PKN2: variants seen among roughly 807,000 people sequenced by gnomAD.
PKN2 encodes the protein protein kinase N2, also known as serine/threonine-protein kinase N2.
A neutral mutation model predicts 119.1 loss-of-function variants in PKN2; 38 were observed. That is an observed-to-expected ratio of 0.32 (90% CI 0.25 to 0.42). PKN2 has a LOEUF of 0.42. Ranked by LOEUF, PKN2 falls within the 10% of genes least tolerant of loss-of-function variation. PKN2 has a pLI of 1.00. For synonymous variants in PKN2, 390 were observed against 384.9 expected, an observed-to-expected ratio of 1.01 and a Z score of -0.15; for missense variants, 850 against 1,165.1, an observed-to-expected ratio of 0.73 and a Z score of 3.94.
At chr1:88,728,060 T>C (rs1667970701) in intron 1 of PKN2, among the ~76,000 whole-genome samples, 1 of 151,454 alleles carries the variant, frequency 6.6e-6, no homozygotes, top group African/African-American at 2.4e-5. Context: ...GTTACAGACT[T>C]CTGGCACAAT....
chr1:88,786,057 TA>T (rs1327447287), intron 7 of PKN2, 46 bp from the exon 8 acceptor site: 2 of 1,143,302 alleles, frequency 1.7e-6, no homozygotes, highest in South Asian at 2.5e-5. Context: ...TTCTGTTTTT[TA>T]TAAAGGTTTA....
At chr1:88,818,948 A>G (rs955309958) in intron 16 of PKN2, among the ~76,000 whole-genome samples, 1 of 150,858 alleles carries the variant, frequency 6.6e-6, no homozygotes, top group African/African-American at 2.5e-5. Context: ...CCTATTTAAT[A>G]AATGGTGTTG....
chr1:88,824,325 T>C lies in PKN2; in HGVS notation c.2358T>C (p.Asp786=). The C allele has an allele frequency of 6.3e-7, 1 of 1,582,264 alleles. No individual in the cohort carries two copies. The highest frequency in any genetic ancestry group is 8.7e-7 in the Non-Finnish European group (1 of 1,153,598). ...TCCTGAACAGAGATTTGAAATTGGA[T>C]AACTTATTGCTAGATACAGAGGGCT... ...HKIVYRDLKL[D]NLLLDTEGFV... is the part of the protein sequence containing the mutation. The change falls in exon 18 of 22, where the codon GAT becomes GAC. Residue 786 remains aspartate (D), a synonymous_variant. Coordinates refer to ENST00000370521, the MANE Select transcript of PKN2 (RefSeq NM_006256.4).
At chr1:88,815,595 G>A (rs1434332239) in intron 16 of PKN2, among the ~76,000 whole-genome samples, 1 of 152,116 alleles carries the variant, frequency 6.6e-6, no homozygotes, top group Non-Finnish European at 1.5e-5. Flanking sequence ...GGCAATCAGT[G>A]AATTTTTATT....
chr1:88,706,205 C>T (rs1426023183), intron 1 of PKN2, among the ~76,000 whole-genome samples: 2 of 152,266 alleles, frequency 1.3e-5, no homozygotes. Context: ...GGGTCTTTTA[C>T]ATCTTTTGTT....
At chr1:88,817,687 C>T (rs925753856) in intron 16 of PKN2, among the ~76,000 whole-genome samples, 19 of 146,216 alleles carry the variant, frequency 1.3e-4, no homozygotes, top group Admixed American at 4.9e-4. Context: ...CCAGTCTGGG[C>T]GACAAAGCGA....
chr1:88,796,959 G>T (rs1368324912), intron 8 of PKN2, among the ~76,000 whole-genome samples: 3 of 147,368 alleles, frequency 2.0e-5, no homozygotes, highest in East Asian at 4.0e-4. Flanking sequence ...CATACCCAAA[G>T]AATACAACAC....
intron 4 of PKN2, among the ~76,000 whole-genome samples, chr1:88,770,877 G>T (rs1208490552): frequency 6.7e-6 from 1 of 149,584 alleles, no homozygotes; most frequent in African/African-American, 2.4e-5. Flanking sequence ...GAGCCACCGC[G>T]CCCGGCCCTT....
chr1:88,799,895 T>C (rs974510532), intron 8 of PKN2, among the ~76,000 whole-genome samples: 3 of 152,216 alleles, frequency 2.0e-5, no homozygotes, highest in Non-Finnish European at 2.9e-5. Flanking sequence ...GGACCCTCAC[T>C]GATAAATTTC....
intron 2 of PKN2, among the ~76,000 whole-genome samples, chr1:88,745,382 A>G (rs10922483): frequency 0.067 from 10,217 of 152,278 alleles, 700 homozygotes; most frequent in African/African-American, 0.18. Context: ...AGACTCCACC[A>G]TAAAGCTGTT....
chr1:88,734,697 A>G (rs895877745), intron 1 of PKN2, among the ~76,000 whole-genome samples: 1 of 151,896 alleles, frequency 6.6e-6, no homozygotes, highest in Non-Finnish European at 1.5e-5. Context: ...GTCTTTCTTT[A>G]TGGTTAGGTG....
chr1:88,741,440 C>T (rs1668576775), intron 2 of PKN2, 152 bp downstream of exon 2: 2 of 522,286 alleles, frequency 3.8e-6, no homozygotes, highest in Non-Finnish European at 6.5e-6. Context: ...TATTTATATT[C>T]TGTTTAGAAG....
chr1:88,684,891 G>A, intron 1 of PKN2: 1 of 396,276 alleles, frequency 2.5e-6, no homozygotes, highest in Non-Finnish European at 4.5e-6. Context: ...CTGCAGCCCT[G>A]CTGCAGCGGG....
intron 1 of PKN2, among the ~76,000 whole-genome samples, chr1:88,738,020 G>A (rs1209375470): frequency 6.6e-6 from 1 of 152,142 alleles, no homozygotes; most frequent in African/African-American, 2.4e-5. Flanking sequence ...GGAGTCAATC[G>A]CTGGAGAGTC....
At chr1:88,829,185 G>T (rs1361103616) in intron 19 of PKN2, 2 of 739,176 alleles carry the variant, frequency 2.7e-6, no homozygotes, top group South Asian at 1.4e-5. Flanking sequence ...CGATGGCCAT[G>T]AATTTATTGT....
At chr1:88,717,768 T>C (rs1032011449) in intron 1 of PKN2, among the ~76,000 whole-genome samples, 4 of 152,076 alleles carry the variant, frequency 2.6e-5, no homozygotes, top group African/African-American at 9.6e-5. Flanking sequence ...AAGTTTGTTA[T>C]TACCGATCTT....
chr1:88,785,587 A>C (rs561205609), intron 7 of PKN2, among the ~76,000 whole-genome samples: 39 of 152,282 alleles, frequency 2.6e-4, no homozygotes, highest in South Asian at 4.1e-4. Flanking sequence ...AGGTTTGGAA[A>C]GCACTGGGGA....
intron 1 of PKN2, among the ~76,000 whole-genome samples, chr1:88,727,048 A>C (rs1197927660): frequency 6.6e-6 from 1 of 151,900 alleles, no homozygotes; most frequent in Non-Finnish European, 1.5e-5. Context: ...CCCCAACTAT[A>C]ATTGTCTATT....
At chr1:88,794,367 CAAAAAA>C (rs61455908) in intron 8 of PKN2, among the ~76,000 whole-genome samples, 2,458 of 117,394 alleles carry the variant, frequency 0.021, 45 homozygotes, top group South Asian at 0.086. Context: ...AATTCTGTCT[CAAAAAA>C]AAAAAAAAAA....
Sources: gnomAD v4.1 joint callset for allele counts (sites outside exome capture counted in the v4.1 genomes callset) on GRCh38, gnomAD v4.1.1 for gene constraint, MANE v1.5 for transcripts, NCBI Gene and HGNC (gene_info 2026-07-23, HGNC 2026-07-21) for gene names.